The following LCOR variants were observed in gnomAD, a reference collection of about 807,000 sequenced individuals.
LCOR encodes ligand dependent nuclear receptor corepressor, also known as ligand-dependent corepressor.
A neutral mutation model predicts 64.4 loss-of-function variants in LCOR; 14 were observed. The observed-to-expected ratio is 0.22, with a 90% confidence interval of 0.14 to 0.34. The LOEUF is 0.34. Among genes scored for constraint, LCOR ranks in the 10% least tolerant of loss-of-function variants. The pLI is 1.00. For synonymous variants in LCOR, 643 were observed against 642.5 expected (o/e 1.00, Z -0.01); for missense variants, 1,686 against 1,765.3 (o/e 0.96, Z 0.80).
At chr10:96,901,206 A>G (rs911201302) in intron 2 of LCOR, among the ~76,000 whole-genome samples, 5 of 151,424 alleles carry the variant, frequency 3.3e-5, no homozygotes, top group Non-Finnish European at 7.4e-5. Flanking sequence ...AATAAAATAA[A>G]AAGAGATGGG....
At chr10:96,865,567 C>G (rs1453097999) in intron 2 of LCOR, among the ~76,000 whole-genome samples, 1 of 151,860 alleles carries the variant, frequency 6.6e-6, no homozygotes, top group African/African-American at 2.4e-5. Context: ...TGGCCATCAC[C>G]CAAAACAAGA....
intron 4 of LCOR, chr10:96,915,819 A>C: frequency 1.8e-6 from 1 of 559,888 alleles, no homozygotes; most frequent in South Asian, 1.5e-5. Flanking sequence ...GGGTTAGCAG[A>C]CAACCTTGCA....
chr10:96,861,094 TTC>T (rs1467177411), intron 2 of LCOR, among the ~76,000 whole-genome samples: 1 of 152,180 alleles, frequency 6.6e-6, no homozygotes, highest in Non-Finnish European at 1.5e-5. Flanking sequence ...GTAATGAATA[TTC>T]TTTTGGTTTC....
chr10:96,974,511 C>T (rs1848022415), intron 7 of LCOR, among the ~76,000 whole-genome samples: 1 of 152,206 alleles, frequency 6.6e-6, no homozygotes, highest in Non-Finnish European at 1.5e-5. Flanking sequence ...CTTATTTAGT[C>T]AGATGTGAAG....
intron 2 of LCOR, among the ~76,000 whole-genome samples, chr10:96,875,874 A>C (rs567792525): frequency 6.6e-6 from 1 of 152,142 alleles, no homozygotes; most frequent in African/African-American, 2.4e-5. Context: ...TCAGAAAAAA[A>C]CAACAAAAAA....
intron 2 of LCOR, among the ~76,000 whole-genome samples, chr10:96,893,828 C>A (rs1045053097): frequency 6.6e-6 from 1 of 151,610 alleles, no homozygotes; most frequent in East Asian, 1.9e-4. Flanking sequence ...GATATTTGAA[C>A]CCAGGTGACC....
intron 2 of LCOR, among the ~76,000 whole-genome samples, chr10:96,890,549 ATTTCTT>A (rs1411810353): frequency 6.6e-6 from 1 of 152,004 alleles, no homozygotes; most frequent in African/African-American, 2.4e-5. Flanking sequence ...GATGCCTTTT[ATTTCTT>A]TTTCTTTTTT....
intron 2 of LCOR, among the ~76,000 whole-genome samples, chr10:96,902,129 C>CT (rs1013505363): frequency 2.2e-5 from 3 of 139,364 alleles, no homozygotes; most frequent in African/African-American, 8.8e-5. Context: ...GCTCTTTGCT[C>CT]TTAAAAAAAA....
intron 4 of LCOR, among the ~76,000 whole-genome samples, chr10:96,920,562 A>G (rs113570183): frequency 6.8e-6 from 1 of 147,160 alleles, no homozygotes; most frequent in Non-Finnish European, 1.5e-5. Flanking sequence ...ATATGTGTAT[A>G]TATGTATGTA....
intron 2 of LCOR, among the ~76,000 whole-genome samples, chr10:96,876,558 T>C (rs946621045): frequency 6.6e-6 from 1 of 152,220 alleles, no homozygotes; most frequent in Non-Finnish European, 1.5e-5. Context: ...GCAGCTTTTA[T>C]TAATACATAA....
At chr10:96,850,997 A>G (rs1186199580) in intron 2 of LCOR, among the ~76,000 whole-genome samples, 3 of 152,260 alleles carry the variant, frequency 2.0e-5, no homozygotes, top group Non-Finnish European at 4.4e-5. Context: ...CTAATAATGC[A>G]GCAGGCATGC....
intron 2 of LCOR, among the ~76,000 whole-genome samples, chr10:96,838,913 G>A (rs1845491904): frequency 6.6e-6 from 1 of 152,194 alleles, no homozygotes; most frequent in African/African-American, 2.4e-5. Context: ...GTTTCCTAAA[G>A]TGGCTACGGT....
intron 2 of LCOR, among the ~76,000 whole-genome samples, chr10:96,878,800 C>T (rs940721048): frequency 6.6e-6 from 1 of 152,044 alleles, no homozygotes; most frequent in African/African-American, 2.4e-5. Context: ...CTTCTCCCCT[C>T]CCCTCCCCTC....
chr10:96,925,052 ATTTT>A lies in LCOR; in HGVS notation c.-184+17306_-184+17309del, dbSNP rs544811644. ...TCCTCAACCATTTATTTATTTATTTATTTTATTTATTTATTTTCATTTTTATTTA... is the reference window on the plus strand; with the variant it reads ...TCCTCAACCATTTATTTATTTATTTAATTTATTTATTTTCATTTTTATTTA... On this transcript the variant is annotated intron_variant, in intron 4 of 7. Coordinates refer to ENST00000421806, the MANE Select transcript of LCOR (RefSeq NM_001346516.2). Among the ~76,000 whole-genome samples, 537 of 151,284 alleles carry A rather than the reference ATTTT, an allele frequency of 3.5e-3. 3 individuals are homozygous for A. The highest frequency in any genetic ancestry group is 0.012 in the African/African-American group (495 of 41,316).
chr10:96,870,042 T>TTTTTTG (rs1791086056), intron 2 of LCOR, among the ~76,000 whole-genome samples: 1 of 150,330 alleles, frequency 6.7e-6, no homozygotes, highest in African/African-American at 2.5e-5. Flanking sequence ...AAGTTCTTTG[T>TTTTTTG]TTGTTGTTGT....
At chr10:96,844,128 C>T (rs1845588340) in intron 2 of LCOR, among the ~76,000 whole-genome samples, 1 of 106,054 alleles carries the variant, frequency 9.4e-6, no homozygotes, top group Non-Finnish European at 1.9e-5. Flanking sequence ...TCCCTCCCTT[C>T]CTTCCCTCCC....
chr10:96,833,551 T>A, intron 2 of LCOR, 72 bp downstream of exon 2: 8 of 595,486 alleles, frequency 1.3e-5, no homozygotes, highest in Non-Finnish European at 1.7e-5. Flanking sequence ...TGTCTGACTC[T>A]CCTGTCCTCC....
intron 2 of LCOR, among the ~76,000 whole-genome samples, chr10:96,844,112 C>T (rs1410894637): frequency 4.3e-5 from 3 of 70,268 alleles, no homozygotes; most frequent in African/African-American, 2.1e-4. Flanking sequence ...TCCCTTCCTT[C>T]CCCCCTCCCT....
chr10:96,870,588 T>A (rs1367982181), intron 2 of LCOR, among the ~76,000 whole-genome samples: 3 of 152,176 alleles, frequency 2.0e-5, no homozygotes, highest in Non-Finnish European at 4.4e-5. Flanking sequence ...GAAAAACATG[T>A]GCTATTTGGA....
Sources: allele counts gnomAD v4.1 joint callset (sites outside exome capture counted in the v4.1 genomes callset), GRCh38; gene constraint gnomAD v4.1.1; transcripts MANE v1.5; gene names NCBI Gene and HGNC (gene_info 2026-07-23, HGNC 2026-07-21).